Variants in SYNJ1 observed in about 807,000 individuals in gnomAD.
SYNJ1 encodes the protein synaptojanin 1.
Under a neutral mutation model 168.2 loss-of-function variants are expected in SYNJ1, and 78 were observed. The ratio of observed to expected loss-of-function variants is 0.46; its 90% CI spans 0.39 to 0.56. SYNJ1 has a LOEUF of 0.56. Ranked by LOEUF, SYNJ1 falls within the 20% of genes least tolerant of loss-of-function variation. The probability of loss-of-function intolerance (pLI) is 0.00; values close to 1 mark genes in which losing one functional copy is unlikely to be tolerated. For missense variants in SYNJ1, 1,303 were observed against 1,597.6 expected, an observed-to-expected ratio of 0.82 and a Z score of 3.14; for synonymous variants, 539 against 548.6, an observed-to-expected ratio of 0.98 and a Z score of 0.24.
At position 32,630,939 on chromosome 21, in the gene SYNJ1, T is replaced by A. The variant is rs151150170; in HGVS notation, c.*866A>T. 6.4e-4 allele frequency: 961 copies of A among 1,508,144 alleles called. 9 individuals are homozygous for A. In the East Asian group the frequency reaches 0.021, roughly 33 times the overall value. The allele number at this position is 1,508,144 out of a possible 1,614,324, so 93.4% of individuals were successfully genotyped here. ...CACATAATGAAATACTAATGCCCAA[T>A]TCTCTTAGCTCTATCCTGCCAAAAG... On this transcript the variant is annotated 3_prime_UTR_variant, in exon 33 of 33. Coordinates refer to ENST00000674351, the MANE Select transcript of SYNJ1 (RefSeq NM_203446.3).
At chr21:32,715,194 C>T (rs998835137) in intron 2 of SYNJ1, among the ~76,000 whole-genome samples, 1 of 152,078 alleles carries the variant, frequency 6.6e-6, no homozygotes, top group Non-Finnish European at 1.5e-5. Context: ...AAAAAGAGGC[C>T]GGGCACGGTG....
At chr21:32,664,858 G>GC (rs2040861305) in intron 18 of SYNJ1, 55 bp downstream of exon 18, 1 of 1,451,460 alleles carries the variant, frequency 6.9e-7, no homozygotes, top group Non-Finnish European at 9.2e-7. Context: ...ATTTAAAAAG[G>GC]CATGTTTCAC....
chr21:32,673,279 T>A, intron 14 of SYNJ1, 61 bp downstream of exon 14: 1 of 1,451,502 alleles, frequency 6.9e-7, no homozygotes, highest in Non-Finnish European at 9.2e-7. Flanking sequence ...TATATTTGTT[T>A]TCTAGATCAA....
chr21:32,660,998 C>G (rs2040677046), intron 18 of SYNJ1, among the ~76,000 whole-genome samples: 1 of 152,186 alleles, frequency 6.6e-6, no homozygotes, highest in Non-Finnish European at 1.5e-5. Flanking sequence ...GCATCAGTAG[C>G]AGCCCCCTTA....
intron 22 of SYNJ1, among the ~76,000 whole-genome samples, chr21:32,652,481 G>A (rs555682231): frequency 1.3e-4 from 20 of 152,312 alleles, no homozygotes; most frequent in African/African-American, 4.1e-4. Context: ...GATTACAGGC[G>A]TGAGCCACCG....
At chr21:32,724,559 G>A (rs1223598637) in intron 2 of SYNJ1, among the ~76,000 whole-genome samples, 1 of 152,188 alleles carries the variant, frequency 6.6e-6, no homozygotes, top group Non-Finnish European at 1.5e-5. Flanking sequence ...TGAATATGCA[G>A]AATGCACTGA....
At chr21:32,691,458 C>T (rs973126972) in intron 6 of SYNJ1, among the ~76,000 whole-genome samples, 1 of 152,164 alleles carries the variant, frequency 6.6e-6, no homozygotes, top group Non-Finnish European at 1.5e-5. Flanking sequence ...TCATAAATTA[C>T]TCAGACTTGG....
At chr21:32,662,217 G>A (rs992206508) in intron 18 of SYNJ1, among the ~76,000 whole-genome samples, 4 of 152,114 alleles carry the variant, frequency 2.6e-5, no homozygotes, top group Non-Finnish European at 5.9e-5. Context: ...ACTGGTCTAC[G>A]CACGGCCGAG....
intron 4 of SYNJ1, 37 bp from the exon 5 acceptor site, chr21:32,695,319 T>C: frequency 6.4e-7 from 1 of 1,572,900 alleles, no homozygotes; most frequent in Non-Finnish European, 8.7e-7. Context: ...GCTTATGGAA[T>C]ACTAAGTAAC....
At chr21:32,643,927 T>C (rs547213124) in intron 26 of SYNJ1, among the ~76,000 whole-genome samples, 10 of 152,220 alleles carry the variant, frequency 6.6e-5, no homozygotes, top group South Asian at 2.1e-4. Context: ...AATTATTGTT[T>C]ATAGGATGAA....
At chr21:32,680,822 G>A (rs565627198) in intron 11 of SYNJ1, among the ~76,000 whole-genome samples, 204 of 152,190 alleles carry the variant, frequency 1.3e-3, no homozygotes, top group African/African-American at 4.9e-3. Flanking sequence ...TCGCTATGTT[G>A]GCCAGGCTAG....
At position 32,628,921 on chromosome 21, in the gene SYNJ1, T is replaced by C. The variant is rs1336509885; in HGVS notation, c.*2884A>G. Reference sequence around the variant, plus strand: ...TAAAATTCTTACATATAAACAGCAATCTAATATAGAGAACACAGAGTTCAC... The same window carrying C: ...TAAAATTCTTACATATAAACAGCAACCTAATATAGAGAACACAGAGTTCAC... On this transcript the variant is annotated 3_prime_UTR_variant, in exon 33 of 33. Transcript: ENST00000674351. The C allele has an allele frequency of 1.3e-5, 2 of 152,626 alleles. No homozygotes were observed. Among genetic ancestry groups the C allele is most frequent in the African/African-American group, 4.8e-5 (2 of 41,456 alleles). The allele number at this position is 152,626 out of a possible 1,614,324, so 9.5% of individuals were successfully genotyped here. A position where few individuals can be genotyped will look rare whatever the true frequency, so the allele number is the denominator to read the frequency against.
At chr21:32,678,944 T>C (rs1192877375) in intron 11 of SYNJ1, 143 bp from the exon 12 acceptor site, 3 of 1,082,642 alleles carry the variant, frequency 2.8e-6, no homozygotes, top group Non-Finnish European at 3.8e-6. Context: ...GAATATATAG[T>C]CATGACAATT....
At chr21:32,702,117 C>A in intron 2 of SYNJ1, 70 bp from the exon 3 acceptor site, 1 of 1,137,600 alleles carries the variant, frequency 8.8e-7, no homozygotes, top group South Asian at 1.6e-5. Context: ...AAGTATAAAT[C>A]CAGAGTTTCA....
At chr21:32,632,119 C>T (rs2039352984) in intron 32 of SYNJ1, among the ~76,000 whole-genome samples, 2 of 152,226 alleles carry the variant, frequency 1.3e-5, no homozygotes, top group South Asian at 4.1e-4. Flanking sequence ...TGTTCATGCC[C>T]AGTTCTATCA....
intron 18 of SYNJ1, among the ~76,000 whole-genome samples, chr21:32,660,578 A>G (rs934768807): frequency 6.6e-6 from 1 of 152,376 alleles, no homozygotes; most frequent in East Asian, 1.9e-4. Context: ...AACTTCATCA[A>G]TCCACATGGA....
chr21:32,658,155 G>A (rs2040535153), intron 18 of SYNJ1, among the ~76,000 whole-genome samples: 1 of 152,162 alleles, frequency 6.6e-6, no homozygotes, highest in Non-Finnish European at 1.5e-5. Flanking sequence ...TGTTACCACA[G>A]CCCCAAATGA....
Position 32,670,363 on chromosome 21 carries a change from CTTCTT to C in SYNJ1, c.1731_1735del (p.Arg578Ter). 6.2e-7 allele frequency: 1 copy of C among 1,612,188 alleles called. No homozygotes were observed. Among genetic ancestry groups the C allele is most frequent in the Non-Finnish European group, 8.5e-7 (1 of 1,178,902 alleles). ...AATTGCAAATATATCAGTTGGCTTA[CTTCTT>C]TTATCTAAAATTAAGCATCCAAGAA... On this transcript the variant is annotated frameshift_variant, in exon 15 of 33. Coordinates refer to ENST00000674351, the MANE Select transcript of SYNJ1 (RefSeq NM_203446.3). LOFTEE classifies it high-confidence loss of function.
intron 2 of SYNJ1, among the ~76,000 whole-genome samples, chr21:32,718,428 TA>T (rs2043101471): frequency 6.6e-6 from 1 of 151,910 alleles, no homozygotes; most frequent in African/African-American, 2.4e-5. Context: ...CAGGGGCACA[TA>T]AAAAAAGAAA....
Sources: allele counts gnomAD v4.1 joint callset (sites outside exome capture counted in the v4.1 genomes callset), GRCh38; gene constraint gnomAD v4.1.1; transcripts MANE v1.5; gene names NCBI Gene and HGNC (gene_info 2026-07-23, HGNC 2026-07-21).